IGSF22: variants seen among roughly 807,000 people sequenced by gnomAD.
IGSF22 encodes the protein immunoglobulin superfamily member 22.
In IGSF22, 119 loss-of-function variants were observed where a neutral mutation model predicts 127.0. The ratio of observed to expected loss-of-function variants is 0.94; its 90% CI spans 0.81 to 1.09. The LOEUF (loss-of-function observed/expected upper bound fraction) is 1.09. Among genes scored for constraint, IGSF22 ranks in the 50% least tolerant of loss-of-function variants. The pLI is 0.00. For missense variants in IGSF22, 1,518 were observed against 1,716.6 expected (o/e 0.88, Z 2.04); for synonymous variants, 568 against 664.7 (o/e 0.85, Z 2.24).
At position 18,721,971 on chromosome 11, in the gene IGSF22, G is replaced by C; in HGVS notation, c.180C>G (p.Ile60Met). The C allele has an allele frequency of 6.2e-7, 1 of 1,614,036 alleles. No homozygotes were observed. Among genetic ancestry groups the C allele is most frequent in the Non-Finnish European group, 8.5e-7 (1 of 1,180,026 alleles). Reference sequence around the variant, plus strand: ...ACTCAGGGACGCTGTCGCCCGCAGGGATGTTTGAGCTCCGGGTCACTAAGC... The same window carrying C: ...ACTCAGGGACGCTGTCGCCCGCAGGCATGTTTGAGCTCCGGGTCACTAAGC... ...FFSLVTRSSN[I>M]PAGDSVPEFV... is the part of the protein sequence containing the mutation. Residue 60 changes from isoleucine (I) to methionine (M), a missense_variant, in exon 3 of 23, where the codon ATC becomes ATG. By Grantham distance (10) the Ile-to-Met change is conservative (BLOSUM62 1). Transcript: ENST00000513874.
chr11:18,717,360 A>C (rs568387182), intron 9 of IGSF22, among the ~76,000 whole-genome samples: 126 of 152,344 alleles, frequency 8.3e-4, no homozygotes, highest in Non-Finnish European at 1.5e-3. Context: ...GACCTAAATC[A>C]CAAAGCTCAT....
At position 18,710,515 on chromosome 11, in the gene IGSF22, TGA is replaced by T. The variant is rs912959569; in HGVS notation, c.2573-62_2573-61del. On this transcript the variant is annotated intron_variant, in intron 16 of 22. Coordinates refer to ENST00000513874, the MANE Select transcript of IGSF22 (RefSeq NM_173588.4). ...GGCATCCATGGGGTGAGAACAAGAG[TGA>T]GAGACATAGAAGAGGAGGTCATGGG... 70 of 1,605,068 alleles carry T rather than the reference TGA, an allele frequency of 4.4e-5. No homozygotes were observed. The Admixed American group carries it at 6.4e-4, about 15-fold the overall frequency.
intron 4 of IGSF22, 102 bp downstream of exon 4, chr11:18,721,433 G>C: frequency 6.6e-7 from 1 of 1,507,334 alleles, no homozygotes; most frequent in Non-Finnish European, 9.1e-7. Flanking sequence ...CCGGCTCTCG[G>C]GCCGCCGTTA....
rs1193914125 is a variant in IGSF22, at chr11:18,721,680, A to G, written c.242-9T>C. On this transcript the variant is annotated splice_polypyrimidine_tract_variant and intron_variant, in intron 3 of 22. Coordinates refer to ENST00000513874, the MANE Select transcript of IGSF22 (RefSeq NM_173588.4). ...GAACACGGCTTTGTCCCCTGCGATG[A>G]GCACAGGACGCGTTTTCGCCTCTTA... The G allele has an allele frequency of 6.2e-7, 1 of 1,614,084 alleles. No homozygotes were observed. The highest frequency in any genetic ancestry group is 1.7e-5 in the Admixed American group (1 of 60,016).
chr11:18,718,023 A>G lies in IGSF22; in HGVS notation c.881T>C (p.Met294Thr), dbSNP rs377643558. 1.1e-5 allele frequency: 17 copies of G among 1,614,110 alleles called. No homozygotes were observed. The highest frequency in any genetic ancestry group is 1.4e-5 in the Non-Finnish European group (17 of 1,180,046). ...YDVKQMGTKY[M>T]LVISNVNMND... Reference sequence around the variant, plus strand: ...CATGTTCACGTTGCTAATAACCAGCATGTACTTGGTGCCCATCTGCTTCAC... The same window carrying G: ...CATGTTCACGTTGCTAATAACCAGCGTGTACTTGGTGCCCATCTGCTTCAC... Residue 294 changes from methionine (M) to threonine (T), a missense_variant, in exon 9 of 23, where the codon ATG becomes ACG. Met to Thr is a moderately conservative substitution (Grantham distance 81, BLOSUM62 -1). Coordinates refer to ENST00000513874, the MANE Select transcript of IGSF22 (RefSeq NM_173588.4).
chr11:18,706,967 CCG>C lies in IGSF22; in HGVS notation c.3525_3526del (p.Ile1175MetfsTer2). On this transcript the variant is annotated frameshift_variant, in exon 21 of 23. Transcript: ENST00000513874. LOFTEE classifies it high-confidence loss of function. The stretch of plus-strand genomic sequence containing the variant: ...CCTGGAGTCAAGTGGCTCACTGTCA[CCG>C]ATTTCATTCCGAGCCACCACTCTGA... The C allele has an allele frequency of 6.5e-7, 1 of 1,541,068 alleles. No homozygotes were observed. Among genetic ancestry groups the C allele is most frequent in the East Asian group, 2.5e-5 (1 of 40,816 alleles).
intron 3 of IGSF22, 40 bp downstream of exon 3, chr11:18,721,870 C>G: frequency 1.2e-6 from 2 of 1,608,714 alleles, no homozygotes; most frequent in South Asian, 2.2e-5. Context: ...GATTAGAAAG[C>G]GAAGCACTGG....
rs1323454486 is a variant in IGSF22, at chr11:18,704,504, G to A, written c.3945C>T (p.Thr1315=). The change falls in exon 23 of 23, where the codon ACC becomes ACT. Residue 1315 remains threonine (T), a synonymous_variant. Coordinates refer to ENST00000513874, the MANE Select transcript of IGSF22 (RefSeq NM_173588.4). ...KDDKSVVASI[T]ESLQKKSKHL... ...GCTTTGATTTCTTCTGCAGACTCTCGGTGATGGATGCTACAACTGACTTAT... is the reference window on the plus strand; with the variant it reads ...GCTTTGATTTCTTCTGCAGACTCTCAGTGATGGATGCTACAACTGACTTAT... 32 of 1,550,560 alleles carry A rather than the reference G, an allele frequency of 2.1e-5. No individual in the cohort carries two copies. The East Asian group carries it at 6.4e-4, about 31-fold the overall frequency.
intron 9 of IGSF22, among the ~76,000 whole-genome samples, chr11:18,717,635 C>T (rs888069937): frequency 5.3e-5 from 8 of 152,064 alleles, no homozygotes; most frequent in South Asian, 2.1e-4. Flanking sequence ...TGGTGTCAAA[C>T]GGTTCTCCTG....
intron 9 of IGSF22, 145 bp downstream of exon 9, chr11:18,717,786 C>T (rs1431986102): frequency 2.1e-5 from 17 of 818,172 alleles, no homozygotes; most frequent in Non-Finnish European, 3.1e-5. Flanking sequence ...TGCTTCCTCC[C>T]TCCATTGACT....
intron 14 of IGSF22, 75 bp from the exon 15 acceptor site, chr11:18,712,459 G>T (rs1590442342): frequency 1.5e-6 from 2 of 1,356,220 alleles, no homozygotes; most frequent in Non-Finnish European, 2.0e-6. Context: ...CTCACCAAAG[G>T]TCTGCCCAGA....
rs1416591916 is a variant in IGSF22 at position 18,717,011 on chromosome 11, C to G, written c.974-11G>C. 1 of 1,613,682 alleles carries G rather than the reference C, an allele frequency of 6.2e-7. No individual in the cohort carries two copies. The highest frequency in any genetic ancestry group is 1.1e-5 in the South Asian group (1 of 91,046). On this transcript the variant is annotated splice_polypyrimidine_tract_variant and intron_variant, in intron 9 of 22. Coordinates refer to ENST00000513874, the MANE Select transcript of IGSF22 (RefSeq NM_173588.4). Reference sequence around the variant, plus strand: ...ACTTCAGTGGCTCATCTGCAGCAAACAGTAGGAGTGGTAGTCATTGGGCTG... The same window carrying G: ...ACTTCAGTGGCTCATCTGCAGCAAAGAGTAGGAGTGGTAGTCATTGGGCTG...
At position 18,709,456 on chromosome 11, in the gene IGSF22, C is replaced by T. The variant is rs759571617; in HGVS notation, c.2929G>A (p.Ala977Thr). 6 of 1,614,196 alleles carry T rather than the reference C, an allele frequency of 3.7e-6. No individual in the cohort carries two copies. Among genetic ancestry groups the T allele is most frequent in the South Asian group, 1.1e-5 (1 of 91,074 alleles). Residue 977 changes from alanine to threonine, a missense_variant, in exon 18 of 23, where the codon GCT becomes ACT. By Grantham distance (58) the Ala-to-Thr change is moderately conservative. Transcript: ENST00000513874. The surrounding 1 kb of genome is among the most constrained non-coding windows in gnomAD (Gnocchi z 4.8). ...TCCCCAACCCCAGCCTCATTCACAG[C>T]CCGGATTCGGAAGAAGTATTTCTGC... ...ERQKYFFRIR[A>T]VNEAGVGEPV... is the part of the protein sequence containing the mutation.
At chr11:18,718,152 G>A in intron 8 of IGSF22, 59 bp from the exon 9 acceptor site, 5 of 1,547,828 alleles carry the variant, frequency 3.2e-6, no homozygotes, top group Non-Finnish European at 4.4e-6. Flanking sequence ...GCTTCCAGAG[G>A]TCTCCATTCC....
intron 22 of IGSF22, 28 bp downstream of exon 22, chr11:18,705,789 T>C (rs1407068384): frequency 3.3e-6 from 5 of 1,515,486 alleles, no homozygotes; most frequent in African/African-American, 2.8e-5. Context: ...CTCCCCCTCC[T>C]CGAGGCCGGA....
At position 18,718,077 on chromosome 11, in the gene IGSF22, C is replaced by T. The variant is rs1183575078; in HGVS notation, c.827G>A (p.Arg276Lys). 6.2e-7 allele frequency: 1 copy of T among 1,614,076 alleles called. No homozygotes were observed. The highest frequency in any genetic ancestry group is 1.3e-5 in the African/African-American group (1 of 75,060). The stretch of plus-strand genomic sequence containing the variant: ...GTACTTGCCCAGGGAGTACTGGATC[C>T]TCAGTGGCTCAGTACCCTGCCTCAT... ...MIWIKGTEPL[R>K]IQYSLGKYDV... Residue 276 changes from arginine to lysine, a missense_variant, in exon 9 of 23, where the codon AGG (arginine) becomes AAG (lysine). Around this residue, in one of 3 missense-constraint regions of IGSF22, gnomAD observed 1,456 missense variants for 1,644.9 expected, o/e 0.89. Coordinates refer to ENST00000513874, the MANE Select transcript of IGSF22 (RefSeq NM_173588.4).
chr11:18,708,030 C>T (rs1348164717), intron 19 of IGSF22, 34 bp from the exon 20 acceptor site: 2 of 1,611,020 alleles, frequency 1.2e-6, no homozygotes, highest in Non-Finnish European at 1.7e-6. Context: ...CAACTGGTCA[C>T]ACAGATGATA....
chr11:18,707,093 T>C lies in IGSF22; in HGVS notation c.3401A>G (p.Lys1134Arg). The change falls in exon 21 of 23, where the codon AAG (lysine) becomes AGG (arginine). Residue 1134 changes from lysine to arginine, a missense_variant. Physicochemically the swap from Lys to Arg is conservative, Grantham distance 26. Around this residue, in one of 3 missense-constraint regions of IGSF22, gnomAD observed 1,456 missense variants for 1,644.9 expected, o/e 0.89. Coordinates refer to ENST00000513874, the MANE Select transcript of IGSF22 (RefSeq NM_173588.4). Reference protein sequence around the residue: ...EDGEAHYIIMKRDASTATWYT... With the variant: ...EDGEAHYIIMRRDASTATWYT... ...CCAGGTGGCTGTGCTTGCATCCCGCTTCATGATGATGTAGTGAGCCTCACC... is the reference window on the plus strand; with the variant it reads ...CCAGGTGGCTGTGCTTGCATCCCGCCTCATGATGATGTAGTGAGCCTCACC... 1 of 1,551,674 alleles carries C rather than the reference T, an allele frequency of 6.4e-7. No individual in the cohort carries two copies. The highest frequency in any genetic ancestry group is 2.0e-5 in the Admixed American group (1 of 51,008).
At chr11:18,720,037 T>C in intron 6 of IGSF22, 27 bp downstream of exon 6, 2 of 1,613,560 alleles carry the variant, frequency 1.2e-6, no homozygotes, top group Non-Finnish European at 1.7e-6. Context: ...AGACAATATC[T>C]TGGGCAGAAG....
Sources: gnomAD v4.1 joint callset for allele counts (sites outside exome capture counted in the v4.1 genomes callset) on GRCh38, gnomAD v4.1.1 for gene constraint, gnomAD v4.1.1 regional missense constraint, Gnocchi (gnomAD v3.1) non-coding constraint, MANE v1.5 for transcripts, NCBI Gene and HGNC (gene_info 2026-07-23, HGNC 2026-07-21) for gene names.